CNTNAP2: variants seen among roughly 807,000 people sequenced by gnomAD.
The protein encoded by CNTNAP2 is contactin-associated protein-like 2.
A neutral mutation model predicts 155.2 loss-of-function variants in CNTNAP2; 98 were observed. The ratio of observed to expected loss-of-function variants is 0.63; its 90% CI spans 0.54 to 0.75. The LOEUF (loss-of-function observed/expected upper bound fraction) is 0.75. Among genes scored for constraint, CNTNAP2 ranks in the 30% least tolerant of loss-of-function variants. CNTNAP2 has a pLI of 0.00. For missense variants in CNTNAP2, 1,727 were observed against 1,688.1 expected (o/e 1.02, Z -0.40); for synonymous variants, 651 against 631.2 (o/e 1.03, Z -0.47).
chr7:148,020,754 A>G (rs1802265884), intron 15 of CNTNAP2, among the ~76,000 whole-genome samples: 1 of 152,226 alleles, frequency 6.6e-6, no homozygotes, highest in Non-Finnish European at 1.5e-5. Flanking sequence ...TTAACAATAA[A>G]CACCTTTAAT....
At chr7:147,475,831 C>T (rs1054467872) in intron 10 of CNTNAP2, among the ~76,000 whole-genome samples, 8 of 152,144 alleles carry the variant, frequency 5.3e-5, no homozygotes, top group African/African-American at 1.2e-4. Context: ...CTCTTTTTCT[C>T]ACATGATAGC....
chr7:148,361,821 A>G (rs578069487), intron 21 of CNTNAP2, among the ~76,000 whole-genome samples: 1 of 152,344 alleles, frequency 6.6e-6, no homozygotes, highest in African/African-American at 2.4e-5. Context: ...ACATACAATC[A>G]TGGCAGAAGG....
chr7:147,437,787 A>G (rs1442367081), intron 10 of CNTNAP2, among the ~76,000 whole-genome samples: 2 of 152,136 alleles, frequency 1.3e-5, no homozygotes, highest in African/African-American at 4.8e-5. Context: ...TTTGGGTAGT[A>G]TGGACATTTT....
At chr7:147,546,461 G>C (rs572343973) in intron 11 of CNTNAP2, among the ~76,000 whole-genome samples, 2 of 152,238 alleles carry the variant, frequency 1.3e-5, no homozygotes, top group African/African-American at 4.8e-5. Flanking sequence ...TGAGTGCTGA[G>C]TATAGAACAA....
chr7:146,578,865 C>A (rs937554895), intron 1 of CNTNAP2, among the ~76,000 whole-genome samples: 11 of 151,902 alleles, frequency 7.2e-5, no homozygotes, highest in African/African-American at 2.7e-4. Context: ...TTTTTTAAAT[C>A]CCTGCTCCAT....
intron 8 of CNTNAP2, among the ~76,000 whole-genome samples, chr7:147,204,174 AAG>A (rs1185986878): frequency 1.3e-5 from 2 of 152,002 alleles, no homozygotes; most frequent in African/African-American, 2.4e-5. Flanking sequence ...GAAAGAAAAT[AAG>A]AGAGCAGCTT....
intron 13 of CNTNAP2, among the ~76,000 whole-genome samples, chr7:147,725,248 A>G (rs1796623706): frequency 1.3e-5 from 2 of 152,082 alleles, no homozygotes; most frequent in South Asian, 2.1e-4. Flanking sequence ...GAGAATTTAA[A>G]CCCATTGTTT....
chr7:148,120,505 A>G (rs549213945), intron 16 of CNTNAP2, among the ~76,000 whole-genome samples: 1 of 152,084 alleles, frequency 6.6e-6, no homozygotes, highest in African/African-American at 2.4e-5. Flanking sequence ...GGGCTCAGGC[A>G]GTGTGCCTGC....
intron 3 of CNTNAP2, among the ~76,000 whole-genome samples, chr7:146,927,777 T>TTG (rs778246110): frequency 1.3e-5 from 2 of 151,588 alleles, no homozygotes; most frequent in East Asian, 3.9e-4. Context: ...GTGTGTGTGT[T>TTG]TGTGTGTGTG....
At chr7:146,796,662 T>C (rs1261298569) in intron 2 of CNTNAP2, among the ~76,000 whole-genome samples, 1 of 152,062 alleles carries the variant, frequency 6.6e-6, no homozygotes, top group Non-Finnish European at 1.5e-5. Context: ...AAACATAGCT[T>C]GGCCACTTAA....
chr7:147,428,754 G>C (rs1214477588), intron 10 of CNTNAP2, among the ~76,000 whole-genome samples: 1 of 152,100 alleles, frequency 6.6e-6, no homozygotes, highest in Non-Finnish European at 1.5e-5. Context: ...TGTAATACCT[G>C]CTCTTCTAAG....
intron 1 of CNTNAP2, among the ~76,000 whole-genome samples, chr7:146,476,425 G>T (rs1216285618): frequency 6.6e-6 from 1 of 152,096 alleles, no homozygotes; most frequent in African/African-American, 2.4e-5. Flanking sequence ...AAATAAAGCA[G>T]CATAACTAAC....
At chr7:147,675,974 T>C (rs941972462) in intron 13 of CNTNAP2, among the ~76,000 whole-genome samples, 1 of 152,100 alleles carries the variant, frequency 6.6e-6, no homozygotes, top group Non-Finnish European at 1.5e-5. Flanking sequence ...TATTAGATAA[T>C]AGCGTGCATT....
At chr7:146,516,256 A>T (rs1584959629) in intron 1 of CNTNAP2, among the ~76,000 whole-genome samples, 1 of 152,030 alleles carries the variant, frequency 6.6e-6, no homozygotes, top group East Asian at 1.9e-4. Context: ...ATGGTGCCAG[A>T]TTGAGCCAAC....
intron 1 of CNTNAP2, among the ~76,000 whole-genome samples, chr7:146,315,361 G>A (rs544908518): frequency 1.3e-5 from 2 of 152,292 alleles, no homozygotes; most frequent in Admixed American, 6.5e-5. Flanking sequence ...CATTATAGGT[G>A]TGGTGCAAGC....
At chr7:147,943,044 A>T (rs1389125785) in intron 14 of CNTNAP2, among the ~76,000 whole-genome samples, 4 of 152,164 alleles carry the variant, frequency 2.6e-5, no homozygotes, top group African/African-American at 9.6e-5. Flanking sequence ...CTCAAAAAAA[A>T]AAAAATCCCC....
chr7:147,402,474 G>C (rs1796934365), intron 10 of CNTNAP2, among the ~76,000 whole-genome samples: 1 of 152,182 alleles, frequency 6.6e-6, no homozygotes, highest in Non-Finnish European at 1.5e-5. Flanking sequence ...GCTATTCCCA[G>C]CATGTCTGAG....
chr7:147,529,974 C>A (rs933785450), intron 11 of CNTNAP2, among the ~76,000 whole-genome samples: 10 of 152,026 alleles, frequency 6.6e-5, no homozygotes, highest in African/African-American at 2.4e-4. Flanking sequence ...CAAGAAAGGT[C>A]CAGAATGTTA....
chr7:147,626,896 TG>T (rs1180615182), intron 12 of CNTNAP2, among the ~76,000 whole-genome samples: 1 of 152,174 alleles, frequency 6.6e-6, no homozygotes, highest in Non-Finnish European at 1.5e-5. Flanking sequence ...TCTACAACCA[TG>T]GACTCTCACA....
Sources: gnomAD v4.1 joint callset for allele counts (sites outside exome capture counted in the v4.1 genomes callset) on GRCh38, gnomAD v4.1.1 for gene constraint, MANE v1.5 for transcripts, NCBI Gene and HGNC (gene_info 2026-07-23, HGNC 2026-07-21) for gene names.